ADAMTSL1: variants seen among roughly 807,000 people sequenced by gnomAD.
ADAMTSL1 encodes the protein ADAMTS like 1.
ADAMTSL1 carries 126 observed loss-of-function variants against 201.8 expected under a neutral mutation model. The observed-to-expected ratio is 0.62, with a 90% confidence interval of 0.54 to 0.72. The LOEUF is 0.72. ADAMTSL1 is among the 30% of genes least tolerant of loss of function. ADAMTSL1 has a pLI of 0.00. For synonymous variants in ADAMTSL1, 1,121 were observed against 903.4 expected (o/e 1.24, Z -4.32); for missense variants, 2,679 against 2,277.8 (o/e 1.18, Z -3.59).
chr9:18,359,132 C>G lies in ADAMTSL1; in HGVS notation c.208-145697C>G, dbSNP rs76706741. Among the ~76,000 whole-genome samples the G allele has an allele frequency of 6.2e-3, 949 of 152,270 alleles. 8 individuals carry two copies. The highest frequency in any genetic ancestry group is 0.022 in the African/African-American group (903 of 41,554). ...TATATGCAATTATATAACATACAGG[C>G]AAACATATATGCATGCACATGCTGG... On this transcript the variant is annotated intron_variant, in intron 2 of 29. Coordinates refer to the ADAMTSL1 transcript ENST00000680146.
intron 2 of ADAMTSL1, among the ~76,000 whole-genome samples, chr9:18,230,251 T>C (rs1421700165): frequency 6.6e-6 from 1 of 152,156 alleles, no homozygotes; most frequent in African/African-American, 2.4e-5. Context: ...GCTATTTGCT[T>C]TCTATTCTGA....
At chr9:18,490,563 G>A (rs1234608142) in intron 1 of ADAMTSL1, among the ~76,000 whole-genome samples, 2 of 152,106 alleles carry the variant, frequency 1.3e-5, no homozygotes, top group African/African-American at 4.8e-5. Context: ...ACGTAGATTT[G>A]TAAATCACAT....
chr9:18,304,300 C>T (rs1833822363), intron 2 of ADAMTSL1, among the ~76,000 whole-genome samples: 1 of 151,974 alleles, frequency 6.6e-6, no homozygotes, highest in Admixed American at 6.6e-5. Context: ...CCTGCCCCTA[C>T]CCTCAACATG....
intron 1 of ADAMTSL1, among the ~76,000 whole-genome samples, chr9:17,973,458 A>G (rs78826742): frequency 7.7e-6 from 1 of 129,962 alleles, no homozygotes; most frequent in Non-Finnish European, 1.8e-5. Flanking sequence ...CAGGTTTGTC[A>G]AAGATCAGAT....
intron 19 of ADAMTSL1, among the ~76,000 whole-genome samples, chr9:18,779,024 G>GA (rs1821226677): frequency 6.6e-6 from 1 of 152,338 alleles, no homozygotes; most frequent in South Asian, 2.1e-4. Flanking sequence ...AGGAAGGAAA[G>GA]AAGCCAGCAT....
At chr9:18,772,079 T>A (rs1418998076) in intron 17 of ADAMTSL1, among the ~76,000 whole-genome samples, 1 of 152,182 alleles carries the variant, frequency 6.6e-6, no homozygotes, top group African/African-American at 2.4e-5. Flanking sequence ...AAAATGAGCA[T>A]GTGTACATTT....
intron 28 of ADAMTSL1, chr9:18,908,232 C>T: frequency 5.2e-6 from 3 of 577,718 alleles, no homozygotes; most frequent in Non-Finnish European, 9.4e-6. Flanking sequence ...CAGACAGCTG[C>T]AGGCTGGTGC....
intron 1 of ADAMTSL1, among the ~76,000 whole-genome samples, chr9:18,492,228 A>G (rs900718750): frequency 6.6e-6 from 1 of 152,170 alleles, no homozygotes; most frequent in Non-Finnish European, 1.5e-5. Context: ...TCACAGGAAG[A>G]AAAAAACATC....
chr9:18,318,067 C>G (rs1834477628), intron 2 of ADAMTSL1, among the ~76,000 whole-genome samples: 1 of 152,148 alleles, frequency 6.6e-6, no homozygotes, highest in African/African-American at 2.4e-5. Context: ...TTAGACACCT[C>G]TTGGGCTAGT....
At chr9:18,832,880 A>G (rs2131276443) in intron 23 of ADAMTSL1, among the ~76,000 whole-genome samples, 1 of 152,340 alleles carries the variant, frequency 6.6e-6, no homozygotes, top group East Asian at 1.9e-4. Flanking sequence ...GCACAGGAAC[A>G]GTAACTCATA....
chr9:17,977,165 A>G (rs887692937), intron 1 of ADAMTSL1, among the ~76,000 whole-genome samples: 1 of 152,058 alleles, frequency 6.6e-6, no homozygotes, highest in Non-Finnish European at 1.5e-5. Context: ...TGTATCCCAG[A>G]GATGAATCTC....
At chr9:18,292,564 C>G (rs1430993636) in intron 2 of ADAMTSL1, among the ~76,000 whole-genome samples, 5 of 152,006 alleles carry the variant, frequency 3.3e-5, no homozygotes, top group Non-Finnish European at 7.4e-5. Flanking sequence ...TGGGTGGGCA[C>G]CATCTAATCA....
At chr9:18,094,502 G>T (rs1476753758) in intron 1 of ADAMTSL1, among the ~76,000 whole-genome samples, 2 of 152,140 alleles carry the variant, frequency 1.3e-5, no homozygotes, top group Admixed American at 6.6e-5. Flanking sequence ...AACATTTTGT[G>T]TATGGCATCT....
chr9:17,976,424 G>C (rs1018838027), intron 1 of ADAMTSL1, among the ~76,000 whole-genome samples: 14 of 151,396 alleles, frequency 9.2e-5, no homozygotes, highest in African/African-American at 3.4e-4. Context: ...ATAGTTTTTG[G>C]TGTACAGCTC....
chr9:18,489,437 C>G (rs77759474), intron 1 of ADAMTSL1, among the ~76,000 whole-genome samples: 6,174 of 152,166 alleles, frequency 0.041, 328 homozygotes, highest in African/African-American at 0.11. Context: ...ATAGCATGCA[C>G]AAAGAGATTC....
rs545060277 is a variant in ADAMTSL1 at position 18,279,786 on chromosome 9, C to A, written c.207+115805C>A. ...GCAGATTCCATAGTTTCTTGGCAGGCCATCTTGTGGGGCTCACAGGTGCCA... is the reference window on the plus strand; with the variant it reads ...GCAGATTCCATAGTTTCTTGGCAGGACATCTTGTGGGGCTCACAGGTGCCA... On this transcript the variant is annotated intron_variant, in intron 2 of 29. Coordinates refer to the ADAMTSL1 transcript ENST00000680146. Among the ~76,000 whole-genome samples, 6 of 152,274 alleles carry A rather than the reference C, an allele frequency of 3.9e-5. No individual in the cohort carries two copies. The South Asian group carries it at 1.2e-3, about 32-fold the overall frequency.
intron 1 of ADAMTSL1, among the ~76,000 whole-genome samples, chr9:18,104,263 T>C (rs542579748): frequency 6.6e-6 from 1 of 152,164 alleles, no homozygotes; most frequent in Non-Finnish European, 1.5e-5. Context: ...ACTAGCAGTG[T>C]AGTCGCAATC....
At chr9:18,148,945 T>C (rs12003929) in intron 1 of ADAMTSL1, among the ~76,000 whole-genome samples, 186 of 152,268 alleles carry the variant, frequency 1.2e-3, no homozygotes, top group African/African-American at 4.3e-3. Context: ...GTGTTTTTGT[T>C]TTAACCTCTA....
chr9:18,464,432 T>C (rs1820924567), intron 2 of ADAMTSL1, among the ~76,000 whole-genome samples: 1 of 152,236 alleles, frequency 6.6e-6, no homozygotes, highest in South Asian at 2.1e-4. Context: ...TCTATTAAGA[T>C]ATTAAATTTG....
Sources: allele counts gnomAD v4.1 joint callset (sites outside exome capture counted in the v4.1 genomes callset), GRCh38; gene constraint gnomAD v4.1.1; transcripts MANE v1.5; gene names NCBI Gene and HGNC (gene_info 2026-07-23, HGNC 2026-07-21).